Variants in RHEX observed in about 807,000 individuals in gnomAD.
The protein encoded by RHEX is regulator of hemoglobinization and erythroid cell expansion protein.
In RHEX, 18 loss-of-function variants were observed where a neutral mutation model predicts 20.1. That is an observed-to-expected ratio of 0.90 (90% CI 0.62 to 1.33). RHEX has a LOEUF of 1.33. Among genes scored for constraint, RHEX ranks in the 40% most tolerant of loss-of-function variants. The pLI, the probability that RHEX is intolerant of heterozygous loss-of-function variation, is 0.00. For missense variants in RHEX, 192 were observed against 214.3 expected (o/e 0.90, Z 0.65); for synonymous variants, 87 against 77.1 (o/e 1.13, Z -0.67).
intron 1 of RHEX, among the ~76,000 whole-genome samples, chr1:206,073,749 A>G (rs782530766): frequency 6.6e-6 from 1 of 152,142 alleles, no homozygotes; most frequent in Non-Finnish European, 1.5e-5. Flanking sequence ...CCTCCATTCA[A>G]AGTAGTTCAA....
At chr1:206,101,252 C>A in intron 5 of RHEX, 55 bp downstream of exon 5, 2 of 1,393,840 alleles carry the variant, frequency 1.4e-6, no homozygotes, top group Non-Finnish European at 2.0e-6. Flanking sequence ...GGGATCCCTG[C>A]TGTAAAACGC....
intron 1 of RHEX, among the ~76,000 whole-genome samples, chr1:206,085,413 A>G (rs782660418): frequency 2.0e-5 from 3 of 152,232 alleles, no homozygotes; most frequent in East Asian, 1.9e-4. Flanking sequence ...ATGAAACAGA[A>G]TAATTTGACC....
intron 5 of RHEX, 112 bp from the exon 6 acceptor site, chr1:206,101,640 T>A: frequency 1.3e-6 from 1 of 798,222 alleles, no homozygotes; most frequent in Non-Finnish European, 2.0e-6. Context: ...GACCCAGATC[T>A]TCCCCACCAA....
intron 1 of RHEX, among the ~76,000 whole-genome samples, chr1:206,062,582 G>A (rs182510187): frequency 6.6e-6 from 1 of 152,340 alleles, no homozygotes; most frequent in East Asian, 1.9e-4. Context: ...TGACTGCCTC[G>A]TGTGTCTGCA....
chr1:206,069,979 G>A (rs1662497071), intron 1 of RHEX, among the ~76,000 whole-genome samples: 1 of 151,470 alleles, frequency 6.6e-6, no homozygotes, highest in Non-Finnish European at 1.5e-5. Flanking sequence ...CCACATATAT[G>A]TATAAATTCA....
chr1:206,060,153 G>A (rs1345717152), intron 1 of RHEX, among the ~76,000 whole-genome samples: 2 of 152,112 alleles, frequency 1.3e-5, no homozygotes, highest in African/African-American at 4.8e-5. Flanking sequence ...CCAGCCCTAT[G>A]ACCCTGAGCA....
At chr1:206,079,916 C>A (rs528327410) in intron 1 of RHEX, among the ~76,000 whole-genome samples, 1 of 152,254 alleles carries the variant, frequency 6.6e-6, no homozygotes, top group South Asian at 2.1e-4. Flanking sequence ...GCAGAGACAC[C>A]CACATTTGCA....
intron 1 of RHEX, among the ~76,000 whole-genome samples, chr1:206,069,435 C>T (rs1553284453): frequency 1.3e-5 from 2 of 152,224 alleles, no homozygotes; most frequent in East Asian, 3.8e-4. Context: ...CAGTCCCTCC[C>T]TCAACGTCCC....
intron 1 of RHEX, among the ~76,000 whole-genome samples, chr1:206,093,681 A>C (rs577072702): frequency 1.3e-5 from 2 of 152,320 alleles, no homozygotes; most frequent in South Asian, 2.1e-4. Context: ...GAAAGTGGGC[A>C]TCTTTTTATT....
At chr1:206,096,125 C>T (rs1228866065) in intron 1 of RHEX, among the ~76,000 whole-genome samples, 6 of 152,144 alleles carry the variant, frequency 3.9e-5, no homozygotes, top group African/African-American at 7.2e-5. Context: ...CCACTGTGTC[C>T]GGCTCAATTT....
At chr1:206,086,492 AAT>A (rs1415345108) in intron 1 of RHEX, among the ~76,000 whole-genome samples, 1 of 152,018 alleles carries the variant, frequency 6.6e-6, no homozygotes, top group Non-Finnish European at 1.5e-5. Context: ...CAGCATTTTC[AAT>A]ACTGAATGCA....
chr1:206,098,066 T>G lies in RHEX; in HGVS notation c.12-15T>G. ...CTTGCAATCTCTGACTTTGCCCCTT[T>G]TTCTTTCCCAACAGAGTCATGGAGG... On this transcript the variant is annotated splice_polypyrimidine_tract_variant and intron_variant, in intron 2 of 5. Coordinates refer to ENST00000331555, the MANE Select transcript of RHEX (RefSeq NM_001007544.4). 6.2e-7 allele frequency: 1 copy of G among 1,605,742 alleles called. No individual in the cohort carries two copies. Among genetic ancestry groups the G allele is most frequent in the South Asian group, 1.1e-5 (1 of 90,920 alleles).
At chr1:206,055,549 A>G (rs959275892) in intron 1 of RHEX, among the ~76,000 whole-genome samples, 52 of 152,272 alleles carry the variant, frequency 3.4e-4, no homozygotes, top group African/African-American at 1.2e-3. Context: ...ACATCTATTT[A>G]GATGCAATCG....
chr1:206,092,788 C>G (rs553544010), intron 1 of RHEX, among the ~76,000 whole-genome samples: 4 of 152,152 alleles, frequency 2.6e-5, no homozygotes, highest in African/African-American at 7.2e-5. Context: ...TCCTCCTTTT[C>G]TTGATTATTG....
chr1:206,071,392 A>G (rs1260118059), intron 1 of RHEX, among the ~76,000 whole-genome samples: 2 of 152,112 alleles, frequency 1.3e-5, no homozygotes, highest in African/African-American at 4.8e-5. Context: ...CCACTGACTC[A>G]AATGTTAATC....
In RHEX at chr1:206,080,947, C is replaced by T. The variant is rs181760545; in HGVS notation, c.-96-16786C>T. On this transcript the variant is annotated intron_variant, in intron 1 of 5. Coordinates refer to ENST00000331555, the MANE Select transcript of RHEX (RefSeq NM_001007544.4). Reference sequence around the variant, plus strand: ...CCTCCCGAGTAGCTGGGACTACAGGCGCATGCCACCACATCCAGCTAATTT... The same window carrying T: ...CCTCCCGAGTAGCTGGGACTACAGGTGCATGCCACCACATCCAGCTAATTT... Among the ~76,000 whole-genome samples the T allele has an allele frequency of 3.4e-3, 520 of 152,190 alleles. 4 individuals are homozygous for T. Among genetic ancestry groups the T allele is most frequent in the Middle Eastern group, 0.014 (4 of 294 alleles).
At chr1:206,097,975 C>A in intron 2 of RHEX, 106 bp from the exon 3 acceptor site, 1 of 1,168,526 alleles carries the variant, frequency 8.6e-7, no homozygotes, top group Non-Finnish European at 1.3e-6. Flanking sequence ...TACCCTGGGA[C>A]ACGCAGCAAT....
chr1:206,065,110 G>A (rs59119364), intron 1 of RHEX, among the ~76,000 whole-genome samples: 37,980 of 151,556 alleles, frequency 0.25, 7,645 homozygotes, highest in African/African-American at 0.56. Context: ...CCACTCCCCA[G>A]TCTCAAGTAC....
intron 1 of RHEX, among the ~76,000 whole-genome samples, chr1:206,084,614 A>T (rs1662801853): frequency 6.6e-6 from 1 of 152,178 alleles, no homozygotes. Flanking sequence ...TACTCAAGGA[A>T]GACTTGTTGA....
Sources: gnomAD v4.1 joint callset for allele counts (sites outside exome capture counted in the v4.1 genomes callset) on GRCh38, gnomAD v4.1.1 for gene constraint, MANE v1.5 for transcripts, NCBI Gene and HGNC (gene_info 2026-07-23, HGNC 2026-07-21) for gene names.